The following SLC30A7 variants were observed in gnomAD, a reference collection of about 807,000 sequenced individuals.
SLC30A7 encodes the protein solute carrier family 30 member 7.
Under a neutral mutation model 46.0 loss-of-function variants are expected in SLC30A7, and 35 were observed. That is an observed-to-expected ratio of 0.76 (90% confidence interval 0.58 to 1.01). The LOEUF (loss-of-function observed/expected upper bound fraction) is 1.01, where lower values mean the gene tolerates loss of function less well. SLC30A7 is among the 50% of genes least tolerant of loss of function. The pLI, the probability that SLC30A7 is intolerant of heterozygous loss-of-function variation, is 0.00. For missense variants in SLC30A7, 464 were observed against 451.1 expected (o/e 1.03, Z -0.26); for synonymous variants, 147 against 157.8 (o/e 0.93, Z 0.51).
intron 8 of SLC30A7, among the ~76,000 whole-genome samples, chr1:100,956,790 A>G (rs2101078267): frequency 6.6e-6 from 1 of 152,304 alleles, no homozygotes; most frequent in East Asian, 1.9e-4. Context: ...TTTTAAAGGT[A>G]TGTTTAAAAA....
chr1:100,939,167 A>G (rs1654178034), intron 8 of SLC30A7, among the ~76,000 whole-genome samples: 1 of 148,576 alleles, frequency 6.7e-6, no homozygotes, highest in Non-Finnish European at 1.5e-5. Context: ...CTGCTATTTA[A>G]CATAGTATTA....
At chr1:100,941,772 A>G (rs2101058043) in intron 8 of SLC30A7, 1 of 622,828 alleles carries the variant, frequency 1.6e-6, no homozygotes, top group Non-Finnish European at 3.0e-6. Flanking sequence ...CCACAGTGGC[A>G]TACGTGACAA....
intron 8 of SLC30A7, among the ~76,000 whole-genome samples, chr1:100,926,841 A>G (rs931422888): frequency 6.6e-6 from 1 of 152,222 alleles, no homozygotes; most frequent in African/African-American, 2.4e-5. Flanking sequence ...CAAATAGATA[A>G]TGGACTGTCA....
intron 8 of SLC30A7, among the ~76,000 whole-genome samples, chr1:100,955,968 AT>A (rs1366180833): frequency 1.3e-5 from 2 of 152,122 alleles, no homozygotes; most frequent in African/African-American, 4.8e-5. Flanking sequence ...AGTGTGACAT[AT>A]CCATTTGCTT....
chr1:100,906,047 G>T (rs530192442), intron 2 of SLC30A7, among the ~76,000 whole-genome samples: 67 of 152,262 alleles, frequency 4.4e-4, no homozygotes, highest in African/African-American at 1.6e-3. Flanking sequence ...TGGGACTTTC[G>T]AAACTATTTG....
At chr1:100,901,818 A>T (rs533326182) in intron 2 of SLC30A7, among the ~76,000 whole-genome samples, 1 of 152,360 alleles carries the variant, frequency 6.6e-6, no homozygotes, top group African/African-American at 2.4e-5. Flanking sequence ...AGAAACTAGC[A>T]GTGCTTAAAG....
chr1:100,913,928 G>T, intron 6 of SLC30A7, 122 bp downstream of exon 6: 1 of 1,353,336 alleles, frequency 7.4e-7, no homozygotes, highest in Non-Finnish European at 9.9e-7. Context: ...TAATGAATCA[G>T]TCTAAATGGT....
chr1:100,934,988 C>A (rs941623521), intron 8 of SLC30A7, among the ~76,000 whole-genome samples: 2 of 151,848 alleles, frequency 1.3e-5, no homozygotes, highest in Non-Finnish European at 2.9e-5. Flanking sequence ...GGTGACAGAC[C>A]AAGACTCTGT....
At chr1:100,951,556 T>G (rs1654952476) in intron 8 of SLC30A7, among the ~76,000 whole-genome samples, 1 of 152,310 alleles carries the variant, frequency 6.6e-6, no homozygotes, top group East Asian at 1.9e-4. Context: ...GGTGCACCTC[T>G]TTTCTTCAGT....
At chr1:100,942,168 G>A (rs1344646994) in intron 8 of SLC30A7, among the ~76,000 whole-genome samples, 1 of 152,092 alleles carries the variant, frequency 6.6e-6, no homozygotes, top group African/African-American at 2.4e-5. Flanking sequence ...CCAAAGGTTT[G>A]CATAATCTTT....
chr1:100,958,900 G>A (rs945028283), intron 8 of SLC30A7, among the ~76,000 whole-genome samples: 2 of 152,094 alleles, frequency 1.3e-5, no homozygotes, highest in Admixed American at 1.3e-4. Flanking sequence ...TTTTTTCATA[G>A]GAACACAGAG....
chr1:100,896,821 C>A, intron 2 of SLC30A7, 150 bp downstream of exon 2: 1 of 686,674 alleles, frequency 1.5e-6, no homozygotes, highest in Non-Finnish European at 2.6e-6. Context: ...CATACCCACA[C>A]CAATCTGGTA....
At chr1:100,908,267 C>G (rs530884008) in intron 3 of SLC30A7, among the ~76,000 whole-genome samples, 2 of 152,254 alleles carry the variant, frequency 1.3e-5, no homozygotes, top group East Asian at 3.9e-4. Context: ...GGCACACACT[C>G]TTTCTTTCAC....
chr1:100,928,695 C>A (rs1333904468), intron 8 of SLC30A7, among the ~76,000 whole-genome samples: 2 of 151,662 alleles, frequency 1.3e-5, no homozygotes, highest in Non-Finnish European at 2.9e-5. Flanking sequence ...AAAATATGAT[C>A]ATGGTAGAAA....
chr1:100,983,549 G>A (rs78858719), downstream of SLC30A7, among the ~76,000 whole-genome samples: 17 of 152,268 alleles, frequency 1.1e-4, no homozygotes, highest in East Asian at 2.9e-3. Context: ...TGAAGAAATG[G>A]ATGAATTTTG....
the SLC30A7 span, chr1:100,995,557 C>A: frequency 6.4e-6 from 1 of 156,626 alleles, no homozygotes; most frequent in Non-Finnish European, 1.4e-5. Context: ...TTAAAAAAGT[C>A]TTTTGCTTTC....
At chr1:100,993,553 AATATAAAT>A in the SLC30A7 span, among the ~76,000 whole-genome samples, 2 of 35,934 alleles carry the variant, frequency 5.6e-5, no homozygotes, top group African/African-American at 1.7e-4. Context: ...CTCTGTCGAA[AATATAAAT>A]ATATATATAT....
chr1:100,928,699 G>A (rs1653474436), intron 8 of SLC30A7, among the ~76,000 whole-genome samples: 1 of 151,838 alleles, frequency 6.6e-6, no homozygotes, highest in South Asian at 2.1e-4. Flanking sequence ...TATGATCATG[G>A]TAGAAAATTT....
At chr1:100,899,169 G>A (rs959425901) in intron 2 of SLC30A7, among the ~76,000 whole-genome samples, 19 of 152,118 alleles carry the variant, frequency 1.2e-4, no homozygotes, top group African/African-American at 1.9e-4. Context: ...CCACTAGAAC[G>A]TAAACTGTAT....
Sources: gnomAD v4.1 joint callset for allele counts (sites outside exome capture counted in the v4.1 genomes callset) on GRCh38, gnomAD v4.1.1 for gene constraint, MANE v1.5 for transcripts, NCBI Gene and HGNC (gene_info 2026-07-23, HGNC 2026-07-21) for gene names.